SLAMF9: variants seen among roughly 807,000 people sequenced by gnomAD.
SLAMF9 encodes the protein CD2 family member 10.
A neutral mutation model predicts 30.4 loss-of-function variants in SLAMF9; 25 were observed. That is an observed-to-expected ratio of 0.82 (90% CI 0.60 to 1.15). The LOEUF (loss-of-function observed/expected upper bound fraction) is 1.15. Among genes scored for constraint, SLAMF9 ranks in the 50% most tolerant of loss-of-function variants. The pLI is 0.00. For synonymous variants in SLAMF9, 129 were observed against 127.2 expected, an observed-to-expected ratio of 1.01 and a Z score of -0.09; for missense variants, 344 against 346.1, an observed-to-expected ratio of 0.99 and a Z score of 0.05.
At position 159,952,463 on chromosome 1, in the gene SLAMF9, C is replaced by T; in HGVS notation, c.463G>A (p.Val155Met). Reference sequence around the variant, plus strand: ...ATGCCTGCCTTCTCCACAGAGCACACCAGGGACATACTGCAGGCACCTTCC... The same window carrying T: ...ATGCCTGCCTTCTCCACAGAGCACATCAGGGACATACTGCAGGCACCTTCC... ...SGEGACSMSL[V>M]CSVEKAGMDM... The change falls in exon 3 of 4, where the codon GTG becomes ATG. Residue 155 changes from valine to methionine, a missense_variant. By Grantham distance (21) the Val-to-Met change is conservative. Coordinates refer to ENST00000368093, the MANE Select transcript of SLAMF9 (RefSeq NM_033438.4). The T allele has an allele frequency of 5.0e-6, 8 of 1,614,076 alleles. No individual in the cohort carries two copies. The highest frequency in any genetic ancestry group is 6.8e-6 in the Non-Finnish European group (8 of 1,180,002).
In SLAMF9 at chr1:159,951,794, A is replaced by G; in HGVS notation, c.737T>C (p.Leu246Pro). 6.2e-7 allele frequency: 1 copy of G among 1,614,182 alleles called. No homozygotes were observed. Among genetic ancestry groups the G allele is most frequent in the South Asian group, 1.1e-5 (1 of 91,078 alleles). Residue 246 changes from leucine (L) to proline (P), a missense_variant, in exon 4 of 4, where the codon CTC becomes CCC. Coordinates refer to ENST00000368093, the MANE Select transcript of SLAMF9 (RefSeq NM_033438.4). ...GAGTCCCATGGCCAGAATTACCAAG[A>G]GCAAGAAGATGAGCAATCCCTTGGC... ...LLAKGLLIFLLLVILAMGLWV... is the reference protein window; with the variant it reads ...LLAKGLLIFLPLVILAMGLWV...
upstream of SLAMF9, among the ~76,000 whole-genome samples, chr1:159,957,415 A>C (rs942031306): frequency 8.5e-5 from 13 of 152,080 alleles, no homozygotes; most frequent in African/African-American, 3.1e-4. Flanking sequence ...CACGAGGTCA[A>C]GAGATCAAGA....
chr1:159,972,853 T>G, the SLAMF9 span: 2 of 954,450 alleles, frequency 2.1e-6, no homozygotes, highest in Non-Finnish European at 2.9e-6. Flanking sequence ...GGGACACACA[T>G]GGGATGGGAG....
upstream of SLAMF9, chr1:159,954,360 A>G (rs1440194987): frequency 4.8e-6 from 2 of 416,782 alleles, no homozygotes; most frequent in South Asian, 8.8e-5. Context: ...CCTGATTGTC[A>G]TGACAGTTTA....
At chr1:159,956,886 G>A (rs544076335), upstream of SLAMF9, among the ~76,000 whole-genome samples, 4 of 152,002 alleles carry the variant, frequency 2.6e-5, no homozygotes, top group South Asian at 2.1e-4. Context: ...TTGGGAGGCC[G>A]AGGCGGGGGG....
chr1:159,967,680 T>C, the SLAMF9 span, among the ~76,000 whole-genome samples: 28 of 152,232 alleles, frequency 1.8e-4, no homozygotes, highest in Admixed American at 1.2e-3. Context: ...AATCTGTAGA[T>C]TGTTTTGGGT....
At chr1:159,972,152 G>A in the SLAMF9 span, among the ~76,000 whole-genome samples, 3 of 152,228 alleles carry the variant, frequency 2.0e-5, no homozygotes, top group East Asian at 1.9e-4. Flanking sequence ...ACATGCACAC[G>A]AGACTCCAGC....
chr1:159,971,919 C>T, the SLAMF9 span, among the ~76,000 whole-genome samples: 20 of 152,210 alleles, frequency 1.3e-4, no homozygotes, highest in African/African-American at 4.6e-4. Context: ...GTGATTGTCC[C>T]CTTACCCCCG....
At chr1:159,979,159 G>A in the SLAMF9 span, 1 of 152,204 alleles carries the variant, frequency 6.6e-6, no homozygotes, top group Non-Finnish European at 1.5e-5. Flanking sequence ...TGCAAAAGTG[G>A]TGGAGGTAAG....
the SLAMF9 span, chr1:159,974,029 A>G: frequency 6.2e-7 from 1 of 1,606,598 alleles, no homozygotes; most frequent in Admixed American, 1.7e-5. Flanking sequence ...TCTCCTTCAA[A>G]CACAGGGTTT....
the SLAMF9 span, chr1:159,973,669 T>G: frequency 0.015 from 11,965 of 788,598 alleles, 147 homozygotes; most frequent in South Asian, 0.032. Context: ...AAACCTCGGG[T>G]CCCCACACAT....
At chr1:159,970,414 AG>A in the SLAMF9 span, among the ~76,000 whole-genome samples, 5 of 152,220 alleles carry the variant, frequency 3.3e-5, no homozygotes, top group Non-Finnish European at 7.3e-5. Flanking sequence ...ATCATCGCAC[AG>A]TGTTTTCTTG....
chr1:159,956,931 G>A (rs2789420), upstream of SLAMF9, among the ~76,000 whole-genome samples: 135,096 of 151,678 alleles, frequency 0.89, 60,402 homozygotes, highest in East Asian at 1. Flanking sequence ...CATCCTGGCT[G>A]ACAGGGTGAA....
the SLAMF9 span, chr1:159,961,386 AC>A: frequency 6.6e-6 from 1 of 152,252 alleles, no homozygotes; most frequent in Non-Finnish European, 1.5e-5. Context: ...GAGCCATGGT[AC>A]TGGAGGAGCC....
At chr1:159,953,218 A>G (rs1651821635) in intron 2 of SLAMF9, 91 bp downstream of exon 2, 12 of 1,095,614 alleles carry the variant, frequency 1.1e-5, no homozygotes, top group Non-Finnish European at 1.5e-5. Context: ...CCCTCAAACC[A>G]TAACCCCAAG....
chr1:159,975,398 G>A, the SLAMF9 span, among the ~76,000 whole-genome samples: 1 of 152,072 alleles, frequency 6.6e-6, no homozygotes, highest in African/African-American at 2.4e-5. Flanking sequence ...GTAGGGAGAG[G>A]CTGTTTCAAG....
upstream of SLAMF9, among the ~76,000 whole-genome samples, chr1:159,957,589 A>AC (rs1202417277): frequency 1.9e-4 from 29 of 152,090 alleles, no homozygotes; most frequent in African/African-American, 6.3e-4. Context: ...GTGCCACTGC[A>AC]CCCCAGCCTG....
At chr1:159,957,450 C>A (rs1233706856), upstream of SLAMF9, among the ~76,000 whole-genome samples, 1 of 152,006 alleles carries the variant, frequency 6.6e-6, no homozygotes, top group Non-Finnish European at 1.5e-5. Context: ...ATGGTGAAAT[C>A]CTGCTTCTAC....
the SLAMF9 span, among the ~76,000 whole-genome samples, chr1:159,972,073 G>A: frequency 2.0e-5 from 3 of 152,176 alleles, no homozygotes; most frequent in Non-Finnish European, 4.4e-5. Context: ...GGGGGAGGGT[G>A]CCTAGAGAGC....
Sources: allele counts gnomAD v4.1 joint callset (sites outside exome capture counted in the v4.1 genomes callset), GRCh38; gene constraint gnomAD v4.1.1; transcripts MANE v1.5; gene names NCBI Gene and HGNC (gene_info 2026-07-23, HGNC 2026-07-21).